The following GNB4 variants were observed in gnomAD, a reference collection of about 807,000 sequenced individuals.
The protein encoded by GNB4 is guanine nucleotide-binding protein subunit beta-4.
GNB4 carries 28 observed loss-of-function variants against 45.2 expected under a neutral mutation model. The observed-to-expected ratio is 0.62, with a 90% CI of 0.46 to 0.85. The LOEUF is 0.85. Ranked by LOEUF, GNB4 falls within the 40% of genes least tolerant of loss-of-function variation. The pLI is 0.00. For missense variants in GNB4, 321 were observed against 425.4 expected, an observed-to-expected ratio of 0.75 and a Z score of 2.16; for synonymous variants, 132 against 143.7, an observed-to-expected ratio of 0.92 and a Z score of 0.58.
At chr3:179,520,124 C>T in the GNB4 span, among the ~76,000 whole-genome samples, 1 of 143,192 alleles carries the variant, frequency 7.0e-6, no homozygotes, top group Non-Finnish European at 1.5e-5. Flanking sequence ...GCTTTCTTTA[C>T]TATTCCTTTG....
At chr3:179,475,019 C>T in the GNB4 span, among the ~76,000 whole-genome samples, 2 of 152,044 alleles carry the variant, frequency 1.3e-5, no homozygotes, top group Non-Finnish European at 2.9e-5. Context: ...GGCCTTCAAG[C>T]TGTGTCATCC....
At chr3:179,433,598 A>C (rs1577036974) in intron 1 of GNB4, among the ~76,000 whole-genome samples, 2 of 151,302 alleles carry the variant, frequency 1.3e-5, no homozygotes, top group East Asian at 3.9e-4. Context: ...TTTTAAAAAG[A>C]GACCCTGTCT....
intron 1 of GNB4, among the ~76,000 whole-genome samples, chr3:179,441,751 CAAA>C (rs532127011): frequency 8.1e-5 from 10 of 124,098 alleles, no homozygotes; most frequent in Non-Finnish European, 8.6e-5. Context: ...GACTCCATCT[CAAA>C]AAAAAAAAAA....
the GNB4 span, among the ~76,000 whole-genome samples, chr3:179,522,836 G>A: frequency 3.9e-5 from 6 of 152,176 alleles, no homozygotes; most frequent in Non-Finnish European, 8.8e-5. Context: ...GTAAGGGCAA[G>A]TTGTTTGGAC....
intron 1 of GNB4, among the ~76,000 whole-genome samples, chr3:179,431,866 TA>T (rs1715320715): frequency 6.6e-6 from 1 of 152,218 alleles, no homozygotes. Context: ...TGTGGAGTTA[TA>T]ATCCCTCACT....
the GNB4 span, among the ~76,000 whole-genome samples, chr3:179,523,821 C>T: frequency 6.6e-6 from 1 of 151,918 alleles, no homozygotes; most frequent in East Asian, 1.9e-4. Context: ...AGGCTTTGAA[C>T]TAGGGAAAAG....
At chr3:179,450,112 A>T (rs998126044) in intron 1 of GNB4, among the ~76,000 whole-genome samples, 1 of 152,196 alleles carries the variant, frequency 6.6e-6, no homozygotes, top group South Asian at 2.1e-4. Context: ...TGATATTTTA[A>T]AAGTTTCTAT....
chr3:179,456,135 A>G (rs1162241646), upstream of GNB4, among the ~76,000 whole-genome samples: 1 of 146,372 alleles, frequency 6.8e-6, no homozygotes, highest in Non-Finnish European at 1.5e-5. Flanking sequence ...TTTTTTAGAC[A>G]AGATCTCGCT....
At chr3:179,402,026 TTCTC>T (rs1034749295) in intron 9 of GNB4, among the ~76,000 whole-genome samples, 21 of 152,298 alleles carry the variant, frequency 1.4e-4, no homozygotes, top group African/African-American at 2.4e-4. Flanking sequence ...TGAATTTGCA[TTCTC>T]TCTCTCTATT....
chr3:179,472,930 A>G, the GNB4 span, among the ~76,000 whole-genome samples: 5 of 152,114 alleles, frequency 3.3e-5, no homozygotes, highest in Admixed American at 6.6e-5. Context: ...TTGGGAGGCC[A>G]AGGCGGGCAG....
chr3:179,500,033 T>G, the GNB4 span, among the ~76,000 whole-genome samples: 10 of 152,284 alleles, frequency 6.6e-5, no homozygotes, highest in African/African-American at 2.4e-4. Flanking sequence ...TCTGTATGTT[T>G]TCTGTTCACT....
the GNB4 span, among the ~76,000 whole-genome samples, chr3:179,526,166 A>G: frequency 6.6e-6 from 1 of 152,214 alleles, no homozygotes; most frequent in Admixed American, 6.5e-5. Context: ...GGGGGTCACA[A>G]GGTGCTCAGT....
At position 179,401,201 on chromosome 3, in the gene GNB4, T is replaced by C. The variant is rs1017249251; in HGVS notation, c.*12A>G. Reference sequence around the variant, plus strand: ...CAGATATATCAATGGAGAACAAATATGTATGACACTGTTAATTCCAGATTC... The same window carrying C: ...CAGATATATCAATGGAGAACAAATACGTATGACACTGTTAATTCCAGATTC... On this transcript the variant is annotated 3_prime_UTR_variant, in exon 10 of 10. Coordinates refer to ENST00000232564, the MANE Select transcript of GNB4 (RefSeq NM_021629.4). 2 of 1,573,778 alleles carry C rather than the reference T, an allele frequency of 1.3e-6. No homozygotes were observed. Among genetic ancestry groups the C allele is most frequent in the Non-Finnish European group, 1.7e-6 (2 of 1,145,224 alleles).
intron 2 of GNB4, 46 bp downstream of exon 2, chr3:179,426,098 C>T (rs746538369): frequency 2.0e-6 from 3 of 1,474,722 alleles, no homozygotes; most frequent in Middle Eastern, 1.7e-4. Flanking sequence ...TTTGTAGATT[C>T]CTGGTACTAA....
chr3:179,451,148 G>C (rs1047450797), intron 1 of GNB4, 198 bp downstream of exon 1: 12 of 152,026 alleles, frequency 7.9e-5, no homozygotes, highest in African/African-American at 2.9e-4. Context: ...TGGCAGCTGG[G>C]CGCGACACAG....
chr3:179,422,766 A>G (rs748316163), intron 2 of GNB4, among the ~76,000 whole-genome samples: 2 of 152,188 alleles, frequency 1.3e-5, no homozygotes, highest in African/African-American at 2.4e-5. Flanking sequence ...ATATAGTTAG[A>G]TTATATTTCC....
intron 5 of GNB4, among the ~76,000 whole-genome samples, chr3:179,415,474 G>A (rs140985459): frequency 3.3e-5 from 5 of 152,250 alleles, no homozygotes; most frequent in African/African-American, 9.6e-5. Context: ...TATCAGAGTC[G>A]ATTACATGAG....
the GNB4 span, among the ~76,000 whole-genome samples, chr3:179,499,282 C>G: frequency 6.6e-6 from 1 of 151,824 alleles, no homozygotes; most frequent in East Asian, 1.9e-4. Context: ...CTCAGCCTCC[C>G]GAGCAGCTGG....
the GNB4 span, among the ~76,000 whole-genome samples, chr3:179,458,006 G>C: frequency 6.6e-6 from 1 of 151,662 alleles, no homozygotes; most frequent in Non-Finnish European, 1.5e-5. Flanking sequence ...CCAGGTTCAA[G>C]CAATTCTCCT....
Sources: allele counts gnomAD v4.1 joint callset (sites outside exome capture counted in the v4.1 genomes callset), GRCh38; gene constraint gnomAD v4.1.1; transcripts MANE v1.5; gene names NCBI Gene and HGNC (gene_info 2026-07-23, HGNC 2026-07-21).